Variants in TMEM217 observed in about 807,000 individuals in gnomAD.
The protein encoded by TMEM217 is transmembrane protein 217.
For missense variants in TMEM217, 204 were observed against 248.8 expected (o/e 0.82, Z 1.21); for synonymous variants, 76 against 88.3 (o/e 0.86, Z 0.78).
chr6:37,212,339 A>C (rs1762953264), exon 4 of TMEM217: 1 of 358,228 alleles, frequency 2.8e-6, no homozygotes, highest in Admixed American at 3.8e-5. Flanking sequence ...GCATCAACAG[A>C]AGACAGGCAG....
chr6:37,247,714 C>T (rs1356027706), intron 1 of TMEM217, among the ~76,000 whole-genome samples: 2 of 152,156 alleles, frequency 1.3e-5, no homozygotes, highest in Non-Finnish European at 1.5e-5. Flanking sequence ...CAATGGACAA[C>T]AGGAGCTTAA....
downstream of TMEM217, among the ~76,000 whole-genome samples, chr6:37,214,884 C>T (rs1326326341): frequency 2.0e-5 from 3 of 152,168 alleles, no homozygotes; most frequent in South Asian, 2.1e-4. Flanking sequence ...GATGCTTCCC[C>T]GTCTGCACCA....
downstream of TMEM217, among the ~76,000 whole-genome samples, chr6:37,217,054 G>A (rs1763241322): frequency 6.6e-6 from 1 of 152,198 alleles, no homozygotes; most frequent in Admixed American, 6.5e-5. Flanking sequence ...AGCACTTTGG[G>A]AGGCTGAGGC....
At chr6:37,215,994 G>GGGGT (rs1489694784), downstream of TMEM217, among the ~76,000 whole-genome samples, 3 of 149,082 alleles carry the variant, frequency 2.0e-5, no homozygotes, top group Non-Finnish European at 3.0e-5. Flanking sequence ...GGTTCTTCAG[G>GGGGT]GTGTGTGTGT....
chr6:37,242,262 T>G (rs1289207104), intron 1 of TMEM217, among the ~76,000 whole-genome samples: 1 of 152,226 alleles, frequency 6.6e-6, no homozygotes, highest in East Asian at 1.9e-4. Context: ...CTCTGGGGTC[T>G]GGGAGAGAGT....
In TMEM217 at chr6:37,244,562, AAGTC is replaced by A. The variant is rs1290263739; in HGVS notation, c.-12+13002_-12+13005del. On this transcript the variant is annotated intron_variant, in intron 1 of 1. Transcript: ENST00000357219. ...ATTTACTTTCAGTCTTTCTCTGTGT[AAGTC>A]AGAGCAAGCAACAAGTGCCAACTCT... is the stretch of plus-strand genomic sequence containing the variant. 9.8e-4 allele frequency among the ~76,000 whole-genome samples: 150 copies of A among 152,316 alleles called. 1 individual carries two copies. The highest frequency in any genetic ancestry group is 5.8e-4 in the East Asian group (3 of 5,190).
chr6:37,243,119 C>T (rs1764861842), intron 1 of TMEM217, among the ~76,000 whole-genome samples: 1 of 151,954 alleles, frequency 6.6e-6, no homozygotes, highest in Non-Finnish European at 1.5e-5. Flanking sequence ...AAAAAGAGCC[C>T]CCTTAAAAAA....
intron 1 of TMEM217, among the ~76,000 whole-genome samples, chr6:37,246,621 G>A (rs985373901): frequency 3.3e-5 from 5 of 152,248 alleles, no homozygotes; most frequent in Admixed American, 6.5e-5. Context: ...ACATTTCTCA[G>A]GCTGGGCATG....
intron 1 of TMEM217, among the ~76,000 whole-genome samples, chr6:37,225,071 A>G (rs1583444910): frequency 6.6e-6 from 1 of 151,586 alleles, no homozygotes; most frequent in East Asian, 1.9e-4. Context: ...GTGGTGGCAC[A>G]TCCCTGTAAT....
chr6:37,239,918 T>C (rs1764680305), intron 1 of TMEM217, among the ~76,000 whole-genome samples: 1 of 151,518 alleles, frequency 6.6e-6, no homozygotes, highest in African/African-American at 2.4e-5. Context: ...AAGAATGCAT[T>C]TGGCTGCAAG....
exon 4 of TMEM217, chr6:37,212,553 G>A (rs189605762): frequency 3.7e-5 from 17 of 461,336 alleles, no homozygotes; most frequent in Admixed American, 3.3e-4. Flanking sequence ...GCTTGACGAT[G>A]AAGGGCAGAC....
intron 1 of TMEM217, among the ~76,000 whole-genome samples, chr6:37,241,742 G>A (rs1764779558): frequency 6.6e-6 from 1 of 152,042 alleles, no homozygotes; most frequent in Non-Finnish European, 1.5e-5. Flanking sequence ...TGGACATTTT[G>A]TATATATATA....
intron 1 of TMEM217, among the ~76,000 whole-genome samples, chr6:37,237,957 T>C (rs1554173090): frequency 3.9e-5 from 6 of 152,138 alleles, no homozygotes; most frequent in Non-Finnish European, 2.9e-5. Context: ...TAAAATGTGT[T>C]GGGGGTACCA....
downstream of TMEM217, among the ~76,000 whole-genome samples, chr6:37,215,794 G>T (rs1056583792): frequency 2.6e-5 from 4 of 151,912 alleles, no homozygotes; most frequent in Admixed American, 1.3e-4. Context: ...GAAAAAGGAG[G>T]GACTTCACCC....
At chr6:37,246,155 C>A (rs1386034993) in intron 1 of TMEM217, among the ~76,000 whole-genome samples, 1 of 152,158 alleles carries the variant, frequency 6.6e-6, no homozygotes, top group East Asian at 1.9e-4. Context: ...ATTCTTGGCT[C>A]ACTTTTCTCT....
chr6:37,218,792 C>A, exon 2 of TMEM217: 1 of 1,614,146 alleles, frequency 6.2e-7, no homozygotes, highest in Non-Finnish European at 8.5e-7. Flanking sequence ...CAGGAGGAAG[C>A]AGCTGATGAG....
At chr6:37,215,597 A>AG (rs1763159162), downstream of TMEM217, among the ~76,000 whole-genome samples, 1 of 146,884 alleles carries the variant, frequency 6.8e-6, no homozygotes, top group Non-Finnish European at 1.5e-5. Flanking sequence ...AAAAAAAAAA[A>AG]AAAAGAAAAG....
At chr6:37,240,027 C>CCT (rs1450713792) in intron 1 of TMEM217, among the ~76,000 whole-genome samples, 2 of 152,048 alleles carry the variant, frequency 1.3e-5, no homozygotes. Context: ...TGGTCAGTAG[C>CCT]CTCTGGGTAA....
rs534243448 is a variant in TMEM217 at position 37,235,295 on chromosome 6, T to C, written c.-11-16254A>G. On this transcript the variant is annotated intron_variant, in intron 1 of 1. Coordinates refer to ENST00000357219, the Ensembl canonical transcript of TMEM217. ...TGTTTTAAATTAAAGATATCTGTCT[T>C]AGACCATTTATGCTGCTATAACAGA... 5.9e-5 allele frequency among the ~76,000 whole-genome samples: 9 copies of C among 152,354 alleles called. No individual in the cohort carries two copies. The South Asian group carries it at 1.9e-3, about 32-fold the overall frequency.
Sources: gnomAD v4.1 joint callset for allele counts (sites outside exome capture counted in the v4.1 genomes callset) on GRCh38, gnomAD v4.1.1 for gene constraint, MANE v1.5 for transcripts, NCBI Gene and HGNC (gene_info 2026-07-23, HGNC 2026-07-21) for gene names.